RANBP17: variants seen among roughly 807,000 people sequenced by gnomAD.
RANBP17 encodes ran-binding protein 17.
A neutral mutation model predicts 141.2 loss-of-function variants in RANBP17; 158 were observed. The observed-to-expected ratio is 1.12, with a 90% confidence interval of 0.98 to 1.28. RANBP17 has a LOEUF of 1.28. RANBP17 is among the 50% of genes most tolerant of loss of function. RANBP17 has a pLI of 0.00. For synonymous variants in RANBP17, 430 were observed against 450.0 expected, an observed-to-expected ratio of 0.96 and a Z score of 0.56; for missense variants, 1,438 against 1,290.7, an observed-to-expected ratio of 1.11 and a Z score of -1.75.
Position 170,918,699 on chromosome 5 carries a change from GT to G in RANBP17, c.955-13del, listed in dbSNP as rs1290349354. The G allele has an allele frequency of 6.3e-7, 1 of 1,576,762 alleles. No homozygotes were observed. Among genetic ancestry groups the G allele is most frequent in the Admixed American group, 1.8e-5 (1 of 54,116 alleles). On this transcript the variant is annotated splice_polypyrimidine_tract_variant and intron_variant, in intron 9 of 27. Coordinates refer to ENST00000523189, the MANE Select transcript of RANBP17 (RefSeq NM_022897.5). ...GGCTTGTTTTTAAGCCTTTCTTTTTGTCTCATAATTTAGGGTTTGTCTGATC... is the reference window on the plus strand; with the variant it reads ...GGCTTGTTTTTAAGCCTTTCTTTTTGCTCATAATTTAGGGTTTGTCTGATC...
In RANBP17 at chr5:170,941,450, C is replaced by T. The variant is rs978432678; in HGVS notation, c.1469-12147C>T. Among the ~76,000 whole-genome samples the T allele has an allele frequency of 5.9e-5, 9 of 151,792 alleles. No homozygotes were observed. In the South Asian group the frequency reaches 6.2e-4, roughly 11 times the overall value. The stretch of plus-strand genomic sequence containing the variant: ...AAGGTAAAATCATTCTTGCTATTTC[C>T]AGAGGTCAATAAATGAGGAAATGAA... On this transcript the variant is annotated intron_variant, in intron 12 of 27. Coordinates refer to ENST00000523189, the MANE Select transcript of RANBP17 (RefSeq NM_022897.5).
chr5:170,926,261 C>T (rs985449209), intron 12 of RANBP17, among the ~76,000 whole-genome samples: 37 of 152,138 alleles, frequency 2.4e-4, no homozygotes, highest in Admixed American at 2.0e-3. Flanking sequence ...TTTACAAAAA[C>T]AGGAGGCTGT....
At chr5:171,270,588 CT>C (rs1420994979) in intron 25 of RANBP17, among the ~76,000 whole-genome samples, 1 of 152,092 alleles carries the variant, frequency 6.6e-6, no homozygotes, top group Admixed American at 6.6e-5. Context: ...AGTTTCGTCA[CT>C]GATCAGTAAG....
intron 22 of RANBP17, among the ~76,000 whole-genome samples, chr5:171,240,630 AG>A (rs1293912310): frequency 9.4e-5 from 14 of 149,332 alleles, no homozygotes; most frequent in African/African-American, 3.4e-4. Flanking sequence ...AATAGTCTTA[AG>A]AGTACAACTT....
At chr5:171,004,634 G>T (rs546053336) in intron 14 of RANBP17, among the ~76,000 whole-genome samples, 2 of 152,204 alleles carry the variant, frequency 1.3e-5, no homozygotes, top group Non-Finnish European at 1.5e-5. Flanking sequence ...CTTCCAAGGC[G>T]ATGGGCAGCA....
chr5:170,903,723 G>T, intron 5 of RANBP17: 1 of 306,268 alleles, frequency 3.3e-6, no homozygotes, highest in South Asian at 4.0e-5. Context: ...TAGCAAAGTC[G>T]ACCTCATAGT....
intron 13 of RANBP17, among the ~76,000 whole-genome samples, chr5:170,964,546 C>T (rs1776396643): frequency 6.6e-6 from 1 of 152,106 alleles, no homozygotes; most frequent in Admixed American, 6.5e-5. Context: ...ATCCCTTCCA[C>T]CTCCCCCCAC....
At chr5:171,232,240 GGTA>G (rs1282454571) in intron 22 of RANBP17, among the ~76,000 whole-genome samples, 1 of 152,026 alleles carries the variant, frequency 6.6e-6, no homozygotes, top group Admixed American at 6.6e-5. Context: ...ATTCAAAAAA[GGTA>G]GTGAATCATA....
chr5:171,087,793 C>CT (rs1403189464), intron 14 of RANBP17, among the ~76,000 whole-genome samples: 271 of 147,480 alleles, frequency 1.8e-3, no homozygotes, highest in Non-Finnish European at 3.1e-3. Context: ...CAACCCCTGC[C>CT]TTTTTTTGTT....
intron 12 of RANBP17, among the ~76,000 whole-genome samples, chr5:170,953,099 C>CT (rs1313682030): frequency 1.3e-5 from 2 of 152,014 alleles, no homozygotes; most frequent in Admixed American, 1.3e-4. Flanking sequence ...TTATTACTAT[C>CT]TATTATGTTC....
intron 22 of RANBP17, among the ~76,000 whole-genome samples, chr5:171,236,357 A>T (rs926884796): frequency 2.0e-5 from 3 of 152,252 alleles, no homozygotes; most frequent in Non-Finnish European, 2.9e-5. Flanking sequence ...GGTATAAGAT[A>T]CTACGGTGGT....
chr5:171,099,009 ACAGTAGCCTTG>A (rs1008670917), intron 14 of RANBP17, among the ~76,000 whole-genome samples: 1 of 152,146 alleles, frequency 6.6e-6, no homozygotes, highest in African/African-American at 2.4e-5. Context: ...TGTTTTGGTT[ACAGTAGCCTTG>A]CAGTATAGTT....
At chr5:171,290,178 C>T (rs887218506) in intron 25 of RANBP17, among the ~76,000 whole-genome samples, 2 of 151,760 alleles carry the variant, frequency 1.3e-5, no homozygotes, top group Non-Finnish European at 2.9e-5. Context: ...ACCAGCCTGA[C>T]CAACATGGTG....
intron 1 of RANBP17, among the ~76,000 whole-genome samples, 158 bp downstream of exon 1, chr5:170,862,209 C>T (rs1384859119): frequency 1.3e-5 from 2 of 152,098 alleles, no homozygotes; most frequent in Non-Finnish European, 2.9e-5. Context: ...AGCCGGGGAC[C>T]GGGACACTGG....
chr5:171,058,658 G>C (rs368873672), intron 14 of RANBP17, among the ~76,000 whole-genome samples: 12 of 149,696 alleles, frequency 8.0e-5, no homozygotes, highest in East Asian at 5.9e-4. Flanking sequence ...ATGATTTATA[G>C]TCCTTTGGGT....
At chr5:171,175,573 A>G (rs957305706) in intron 16 of RANBP17, among the ~76,000 whole-genome samples, 1 of 152,206 alleles carries the variant, frequency 6.6e-6, no homozygotes, top group Admixed American at 6.5e-5. Context: ...CAAGGAACTT[A>G]AACAAATTTA....
intron 14 of RANBP17, among the ~76,000 whole-genome samples, chr5:171,073,925 A>G (rs1784767403): frequency 1.3e-5 from 2 of 151,944 alleles, no homozygotes; most frequent in Admixed American, 1.3e-4. Flanking sequence ...ATCCATACTG[A>G]TATAAACAAA....
At chr5:171,096,967 T>G (rs1339212978) in intron 14 of RANBP17, among the ~76,000 whole-genome samples, 1 of 152,198 alleles carries the variant, frequency 6.6e-6, no homozygotes, top group Admixed American at 6.5e-5. Context: ...GTTGAAGTTA[T>G]TCAGTGTTGA....
intron 5 of RANBP17, among the ~76,000 whole-genome samples, chr5:170,908,505 A>G (rs567946100): frequency 6.6e-6 from 1 of 151,582 alleles, no homozygotes; most frequent in South Asian, 2.1e-4. Context: ...GAAACTGGGG[A>G]CTACTAGATA....
Sources: gnomAD v4.1 joint callset for allele counts (sites outside exome capture counted in the v4.1 genomes callset) on GRCh38, gnomAD v4.1.1 for gene constraint, MANE v1.5 for transcripts, NCBI Gene and HGNC (gene_info 2026-07-23, HGNC 2026-07-21) for gene names.